CASP8: variants seen among roughly 807,000 people sequenced by gnomAD.
CASP8 encodes caspase-8.
A neutral mutation model predicts 46.3 loss-of-function variants in CASP8; 24 were observed. That is an observed-to-expected ratio of 0.52 (90% CI 0.38 to 0.73). The LOEUF is 0.73. Ranked by LOEUF, CASP8 falls within the 30% of genes least tolerant of loss-of-function variation. The pLI is 0.00. For synonymous variants in CASP8, 188 were observed against 200.4 expected, an observed-to-expected ratio of 0.94 and a Z score of 0.52; for missense variants, 460 against 559.0, an observed-to-expected ratio of 0.82 and a Z score of 1.79.
intron 5 of CASP8, among the ~76,000 whole-genome samples, chr2:201,273,353 C>T (rs138360270): frequency 2.0e-5 from 3 of 152,174 alleles, no homozygotes; most frequent in South Asian, 2.1e-4. Flanking sequence ...GCCACTGCGC[C>T]CGGCCGCACC....
intron 2 of CASP8, among the ~76,000 whole-genome samples, chr2:201,237,454 A>G (rs1284806532): frequency 2.0e-5 from 3 of 151,264 alleles, no homozygotes; most frequent in African/African-American, 7.3e-5. Flanking sequence ...AAAAAAAAAA[A>G]AAAGGAAAAA....
intron 2 of CASP8, among the ~76,000 whole-genome samples, chr2:201,249,804 C>A (rs954792579): frequency 2.6e-5 from 4 of 152,222 alleles, no homozygotes; most frequent in Non-Finnish European, 4.4e-5. Flanking sequence ...CCTCCCCACA[C>A]TTTCCCGTTA....
chr2:201,270,684 C>T (rs1292680849), intron 2 of CASP8, among the ~76,000 whole-genome samples: 1 of 152,130 alleles, frequency 6.6e-6, no homozygotes, highest in East Asian at 1.9e-4. Flanking sequence ...TGCATGCCAC[C>T]ACACCCGGCT....
At chr2:201,283,570 C>T (rs1576379833) in intron 7 of CASP8, among the ~76,000 whole-genome samples, 1 of 77,402 alleles carries the variant, frequency 1.3e-5, no homozygotes, top group East Asian at 4.4e-4. Flanking sequence ...GGGCGGGGGG[C>T]TGACCCCCCC....
intron 2 of CASP8, among the ~76,000 whole-genome samples, chr2:201,234,958 G>T (rs1300587138): frequency 2.0e-5 from 3 of 152,132 alleles, no homozygotes; most frequent in Non-Finnish European, 2.9e-5. Context: ...ACCTTCACAT[G>T]CAGGAGTCAC....
intron 3 of CASP8, 49 bp downstream of exon 3, chr2:201,271,670 A>AG: frequency 2.6e-6 from 3 of 1,172,386 alleles, no homozygotes; most frequent in South Asian, 2.4e-5. Context: ...TTGGTTAGCC[A>AG]GGGGGCATTT....
upstream of CASP8, among the ~76,000 whole-genome samples, chr2:201,257,002 G>A (rs754435413): frequency 3.3e-5 from 5 of 151,844 alleles, no homozygotes; most frequent in East Asian, 3.9e-4. Flanking sequence ...AAAATTAGCC[G>A]GGCATGGTGG....
chr2:201,276,735 G>A, intron 6 of CASP8, 92 bp from the exon 7 acceptor site: 1 of 1,556,778 alleles, frequency 6.4e-7, no homozygotes, highest in Non-Finnish European at 8.8e-7. Context: ...TGGTGCAATG[G>A]AAAGCAAGTC....
intron 7 of CASP8, among the ~76,000 whole-genome samples, chr2:201,280,242 C>T (rs1948916679): frequency 6.6e-6 from 1 of 151,678 alleles, no homozygotes; most frequent in African/African-American, 2.4e-5. Flanking sequence ...GATAAAAAGA[C>T]AAAAATAGAA....
At chr2:201,238,270 G>T (rs2124871457) in intron 2 of CASP8, among the ~76,000 whole-genome samples, 1 of 152,324 alleles carries the variant, frequency 6.6e-6, no homozygotes, top group South Asian at 2.1e-4. Flanking sequence ...TGTGGAGCAA[G>T]TGGGGAACTT....
At chr2:201,249,234 A>G (rs1264231296) in intron 2 of CASP8, among the ~76,000 whole-genome samples, 1 of 152,118 alleles carries the variant, frequency 6.6e-6, no homozygotes, top group Non-Finnish European at 1.5e-5. Flanking sequence ...ATCCATCTGG[A>G]TTTGAATTTT....
Position 201,274,896 on chromosome 2 carries a change from G to C in CASP8, c.603G>C (p.Glu201Asp), listed in dbSNP as rs553241803. ...TCTCTTCGTTGTTTGCAGGGGAGGAGTTGTGTGGGGTAATGACAATCTCGG... is the reference window on the plus strand; with the variant it reads ...TCTCTTCGTTGTTTGCAGGGGAGGACTTGTGTGGGGTAATGACAATCTCGG... ...GSPDEFSNGEELCGVMTISDS... is the reference protein window; with the variant it reads ...GSPDEFSNGEDLCGVMTISDS... The change falls in exon 6 of 9, where the codon GAG becomes GAC. Residue 201 changes from glutamate to aspartate, a missense_variant. By Grantham distance (45) the Glu-to-Asp change is conservative. Coordinates refer to ENST00000673742, the MANE Select transcript of CASP8 (RefSeq NM_001372051.1). 9.3e-6 allele frequency: 15 copies of C among 1,612,866 alleles called. No individual in the cohort carries two copies. The highest frequency in any genetic ancestry group is 1.2e-5 in the Non-Finnish European group (14 of 1,179,008).
At chr2:201,283,418 A>T (rs1949276524) in intron 7 of CASP8, among the ~76,000 whole-genome samples, 1 of 43,078 alleles carries the variant, frequency 2.3e-5, no homozygotes, top group Non-Finnish European at 5.2e-5. Context: ...TCCCTCCCGG[A>T]CTGGGCGGCT....
chr2:201,286,560 C>T lies in CASP8; in HGVS notation c.1406C>T (p.Thr469Ile), dbSNP rs1949570157. 6.2e-7 allele frequency: 1 copy of T among 1,613,950 alleles called. No homozygotes were observed. Among genetic ancestry groups the T allele is most frequent in the African/African-American group, 1.3e-5 (1 of 74,926 alleles). ...MGKQMPQPTF[T>I]LRKKLVFPSD Reference sequence around the variant, plus strand: ...AAACAGATGCCTCAGCCTACTTTCACACTAAGAAAAAAACTTGTCTTCCCT... The same window carrying T: ...AAACAGATGCCTCAGCCTACTTTCATACTAAGAAAAAAACTTGTCTTCCCT... Residue 469 changes from threonine to isoleucine, a missense_variant, in exon 9 of 9, where the codon ACA becomes ATA. By Grantham distance (89) the Thr-to-Ile change is moderately conservative. Transcript: ENST00000673742.
chr2:201,241,513 G>C (rs1413344320), intron 2 of CASP8: 3 of 152,110 alleles, frequency 2.0e-5, no homozygotes, highest in African/African-American at 7.2e-5. Context: ...GAAATACAAA[G>C]TCTGAACAGA....
chr2:201,281,795 A>C, intron 7 of CASP8: 1 of 1,327,322 alleles, frequency 7.5e-7, no homozygotes, highest in Non-Finnish European at 1.0e-6. Context: ...GAGAAAACAG[A>C]CCAACAATAA....
At chr2:201,258,130 C>T (rs1947115031), upstream of CASP8, 1 of 1,348,062 alleles carries the variant, frequency 7.4e-7, no homozygotes. Flanking sequence ...TTCTGCCTTT[C>T]TGCTGGAGGG....
At chr2:201,244,767 T>C (rs1176540589) in intron 2 of CASP8, among the ~76,000 whole-genome samples, 5 of 152,168 alleles carry the variant, frequency 3.3e-5, no homozygotes, top group African/African-American at 9.7e-5. Context: ...TGTTTTTTAA[T>C]AGCTAATCTA....
chr2:201,251,750 A>G (rs1468605291), intron 2 of CASP8, among the ~76,000 whole-genome samples: 2 of 152,022 alleles, frequency 1.3e-5, no homozygotes. Context: ...TAAAAATACA[A>G]AAATTAGCTG....
Sources: allele counts gnomAD v4.1 joint callset (sites outside exome capture counted in the v4.1 genomes callset), GRCh38; gene constraint gnomAD v4.1.1; transcripts MANE v1.5; gene names NCBI Gene and HGNC (gene_info 2026-07-23, HGNC 2026-07-21).